KIAA1549: variants seen among roughly 807,000 people sequenced by gnomAD.
KIAA1549 encodes the protein KIAA1549.
A neutral mutation model predicts 156.4 loss-of-function variants in KIAA1549; 70 were observed. The ratio of observed to expected loss-of-function variants is 0.45; its 90% CI spans 0.37 to 0.55. The LOEUF is 0.55. Among genes scored for constraint, KIAA1549 ranks in the 20% least tolerant of loss-of-function variants. The pLI is 0.00. For missense variants in KIAA1549, 2,428 were observed against 2,540.9 expected, an observed-to-expected ratio of 0.96 and a Z score of 0.96; for synonymous variants, 1,103 against 1,066.4, an observed-to-expected ratio of 1.03 and a Z score of -0.67.
chr7:138,904,878 T>A lies in KIAA1549; in HGVS notation c.3520+144A>T, dbSNP rs921257954. 11 of 584,664 alleles carry A rather than the reference T, an allele frequency of 1.9e-5. No homozygotes were observed. In the African/African-American group the frequency reaches 1.9e-4, roughly 10 times the overall value. 36.2% of individuals were successfully genotyped at this position (584,664 alleles called of 1,614,324 possible). ...ATATATTCCCACAGCCAAATTTGAA[T>A]CCCTTTCCATTCATTCTTTGCCAAG... On this transcript the variant is annotated intron_variant, in intron 7 of 19. Transcript: ENST00000422774.
At chr7:138,955,027 T>A (rs575449833) in intron 1 of KIAA1549, among the ~76,000 whole-genome samples, 1 of 152,222 alleles carries the variant, frequency 6.6e-6, no homozygotes, top group South Asian at 2.1e-4. Flanking sequence ...ACAGCCCTCC[T>A]CTGAAGCACC....
chr7:138,840,808 G>T (rs1809894075), intron 18 of KIAA1549, among the ~76,000 whole-genome samples: 1 of 152,164 alleles, frequency 6.6e-6, no homozygotes, highest in South Asian at 2.1e-4. Flanking sequence ...CTCCCTGTGA[G>T]CACCACAACA....
chr7:138,980,533 G>C (rs746859283), intron 1 of KIAA1549, among the ~76,000 whole-genome samples: 1 of 152,250 alleles, frequency 6.6e-6, no homozygotes, highest in Non-Finnish European at 1.5e-5. Context: ...TCCCTGGAAA[G>C]ATCCGTGGCC....
chr7:138,842,859 C>A (rs1809963245), intron 18 of KIAA1549, among the ~76,000 whole-genome samples: 1 of 152,120 alleles, frequency 6.6e-6, no homozygotes, highest in East Asian at 1.9e-4. Flanking sequence ...CTCAAGGATG[C>A]CCTTACTACT....
intron 1 of KIAA1549, among the ~76,000 whole-genome samples, chr7:138,930,505 G>A (rs115114126): frequency 0.012 from 1,814 of 152,328 alleles, 37 homozygotes; most frequent in African/African-American, 0.041. Flanking sequence ...GCCTCCACCA[G>A]TGATCTTACC....
rs775449098 is a variant in KIAA1549, at chr7:138,916,901, G to A, written c.2725C>T (p.Pro909Ser). 27 of 1,613,484 alleles carry A rather than the reference G, an allele frequency of 1.7e-5. No individual in the cohort carries two copies. Among genetic ancestry groups the A allele is most frequent in the Middle Eastern group, 1.6e-4 (1 of 6,084 alleles). Residue 909 changes from proline (P) to serine (S), a missense_variant, in exon 2 of 20, where the codon CCC becomes TCC. Physicochemically the swap from Pro to Ser is moderately conservative, Grantham distance 74. Coordinates refer to ENST00000422774, the MANE Select transcript of KIAA1549 (RefSeq NM_001164665.2). The stretch of plus-strand genomic sequence containing the variant: ...GGAGGAGCAGCACTACTCTCTGGGG[G>A]GCTCTGACTTGCGGCGTCACCCATC... Reference protein sequence around the residue: ...TLMGDAASQSPPESSAAPPLP... With the variant: ...TLMGDAASQSSPESSAAPPLP...
intron 1 of KIAA1549, among the ~76,000 whole-genome samples, chr7:138,922,707 G>A (rs1158884721): frequency 6.6e-6 from 1 of 151,816 alleles, no homozygotes; most frequent in Non-Finnish European, 1.5e-5. Flanking sequence ...TGGGGGATAG[G>A]TCTGAAGAAA....
chr7:138,975,570 G>A (rs1402112937), intron 1 of KIAA1549, among the ~76,000 whole-genome samples: 1 of 152,126 alleles, frequency 6.6e-6, no homozygotes, highest in Non-Finnish European at 1.5e-5. Flanking sequence ...TTACACCGAG[G>A]AGGAAACCCA....
Position 138,911,289 on chromosome 7 carries a change from AC to A in KIAA1549, c.3001del (p.Val1001Ter). The A allele has an allele frequency of 6.2e-7, 1 of 1,600,758 alleles. No individual in the cohort carries two copies. Among genetic ancestry groups the A allele is most frequent in the South Asian group, 1.1e-5 (1 of 88,206 alleles). On this transcript the variant is annotated frameshift_variant, in exon 4 of 20. Transcript: ENST00000422774. LOFTEE classifies it high-confidence loss of function. ...CGTGTAAACGAAAGGACCGGATGTT[AC>A]CAGAAAAGTGAAGTCAGTAAATAGT... ...YELFTDFTFL[V>X]TSGPFVYTAI...
At chr7:138,913,022 C>G (rs552507050) in intron 2 of KIAA1549, among the ~76,000 whole-genome samples, 1 of 152,278 alleles carries the variant, frequency 6.6e-6, no homozygotes, top group Admixed American at 6.5e-5. Flanking sequence ...CTACAGGTGC[C>G]TGCCACCACG....
intron 1 of KIAA1549, among the ~76,000 whole-genome samples, chr7:138,960,753 G>A (rs1448086270): frequency 6.6e-6 from 1 of 151,640 alleles, no homozygotes; most frequent in Non-Finnish European, 1.5e-5. Flanking sequence ...GAGTAAAACT[G>A]CTCTCTCCAT....
At chr7:138,958,537 CT>C (rs749112279) in intron 1 of KIAA1549, among the ~76,000 whole-genome samples, 10 of 152,200 alleles carry the variant, frequency 6.6e-5, no homozygotes, top group African/African-American at 9.6e-5. Context: ...ATTTATATAA[CT>C]TCCCAGCTGT....
At chr7:138,907,143 T>G (rs758443985) in intron 5 of KIAA1549, 41 bp from the exon 6 acceptor site, 8 of 1,417,072 alleles carry the variant, frequency 5.6e-6, no homozygotes, top group Non-Finnish European at 7.5e-6. Context: ...TAATAAAACA[T>G]TCTGCTGAAA....
rs1389417122 is a variant in KIAA1549 at position 138,916,990 on chromosome 7, G to A, written c.2636C>T (p.Thr879Ile). Residue 879 changes from threonine (T) to isoleucine (I), a missense_variant, in exon 2 of 20, where the codon ACC becomes ATC. Transcript: ENST00000422774. Reference protein sequence around the residue: ...SLTPTEVPLNTSTEVSTTSTG... With the variant: ...SLTPTEVPLNISTEVSTTSTG... Reference sequence around the variant, plus strand: ...GCTGGTTGTGCTCACTTCCGTGGAGGTGTTCAGTGGCACCTCTGTGGGTGT... The same window carrying A: ...GCTGGTTGTGCTCACTTCCGTGGAGATGTTCAGTGGCACCTCTGTGGGTGT... 1.9e-6 allele frequency: 3 copies of A among 1,600,234 alleles called. No individual in the cohort carries two copies. The highest frequency in any genetic ancestry group is 1.7e-4 in the Middle Eastern group (1 of 5,982).
chr7:138,834,773 T>G lies in KIAA1549; in HGVS notation c.*3133A>C, dbSNP rs1809654903. ...GTTTCACATCACTCATCCTAGGGCG[T>G]CCACATAGACAGCATGCTACATTTT... On this transcript the variant is annotated 3_prime_UTR_variant, in exon 20 of 20. Coordinates refer to ENST00000422774, the MANE Select transcript of KIAA1549 (RefSeq NM_001164665.2). 4.3e-6 allele frequency: 1 copy of G among 232,600 alleles called. No homozygotes were observed. Among genetic ancestry groups the G allele is most frequent in the Middle Eastern group, 1.3e-3 (1 of 782 alleles). 14.4% of individuals were successfully genotyped at this position (232,600 alleles called of 1,614,324 possible). A position where few individuals can be genotyped will look rare whatever the true frequency, so the allele number is the denominator to read the frequency against.
chr7:138,912,479 C>G lies in KIAA1549; in HGVS notation c.2879-19G>C, dbSNP rs372555864. Reference sequence around the variant, plus strand: ...GCCAGCACTGCAAATGAAAGCAAACCACCAAATGCCTTTTCATGTCATTAT... The same window carrying G: ...GCCAGCACTGCAAATGAAAGCAAACGACCAAATGCCTTTTCATGTCATTAT... On this transcript the variant is annotated intron_variant, in intron 2 of 19. Coordinates refer to ENST00000422774, the MANE Select transcript of KIAA1549 (RefSeq NM_001164665.2). 6.3e-7 allele frequency: 1 copy of G among 1,590,434 alleles called. No homozygotes were observed. Among genetic ancestry groups the G allele is most frequent in the African/African-American group, 1.3e-5 (1 of 74,570 alleles).
Position 138,919,331 on chromosome 7 carries a change from G to A in KIAA1549, c.295C>T (p.Pro99Ser), listed in dbSNP as rs764542209. Residue 99 changes from proline (P) to serine (S), a missense_variant, in exon 2 of 20, where the codon CCC becomes TCC. Physicochemically the swap from Pro to Ser is moderately conservative, Grantham distance 74 (BLOSUM62 -1). Around this residue, in one of 5 missense-constraint regions of KIAA1549, gnomAD observed 893 missense variants for 847.9 expected, o/e 1.05. Coordinates refer to ENST00000422774, the MANE Select transcript of KIAA1549 (RefSeq NM_001164665.2). ...AGAGGACTGCTGTGCTGGGAGCCGG[G>A]AGCAGTTTCTGTTAAGGCCACTTGT... ...AAQVALTETA[P>S]GSQHSSPLHV... 5.6e-6 allele frequency: 9 copies of A among 1,614,022 alleles called. No homozygotes were observed. In the South Asian group the frequency reaches 6.6e-5, roughly 12 times the overall value.
intron 1 of KIAA1549, among the ~76,000 whole-genome samples, chr7:138,968,623 A>G (rs1584791511): frequency 6.6e-6 from 1 of 151,550 alleles, no homozygotes; most frequent in East Asian, 2.0e-4. Flanking sequence ...CGAGGCGGGC[A>G]GATCATGAGG....
At chr7:138,839,563 A>G (rs1442566170) in intron 19 of KIAA1549, among the ~76,000 whole-genome samples, 1 of 152,054 alleles carries the variant, frequency 6.6e-6, no homozygotes, top group Non-Finnish European at 1.5e-5. Context: ...CCAAACATGA[A>G]CTCCAGAGTT....
Sources: gnomAD v4.1 joint callset for allele counts (sites outside exome capture counted in the v4.1 genomes callset) on GRCh38, gnomAD v4.1.1 for gene constraint, gnomAD v4.1.1 regional missense constraint, MANE v1.5 for transcripts, NCBI Gene and HGNC (gene_info 2026-07-23, HGNC 2026-07-21) for gene names.